Variants in CNTN2 observed in about 807,000 individuals in gnomAD.
CNTN2 encodes contactin 2.
Under a neutral mutation model 117.5 loss-of-function variants are expected in CNTN2, and 53 were observed. The ratio of observed to expected loss-of-function variants is 0.45; its 90% CI spans 0.36 to 0.57. The LOEUF (loss-of-function observed/expected upper bound fraction) is 0.57, where lower values mean the gene tolerates loss of function less well. Among genes scored for constraint, CNTN2 ranks in the 20% least tolerant of loss-of-function variants. The pLI is 0.00. For missense variants in CNTN2, 1,106 were observed against 1,404.3 expected, an observed-to-expected ratio of 0.79 and a Z score of 3.39; for synonymous variants, 530 against 561.7, an observed-to-expected ratio of 0.94 and a Z score of 0.80.
Position 205,059,691 on chromosome 1 carries a change from G to A in CNTN2, c.797+9G>A. ...TGCTTCGCCTTTGGGAAGTGAGTGT[G>A]AAGAGGGAGGGGAAGCAGAGCACGG... On this transcript the variant is annotated intron_variant, in intron 7 of 22. Transcript: ENST00000331830. The surrounding 1 kb of genome is among the most constrained non-coding windows in gnomAD (Gnocchi z 5.6). 2.5e-6 allele frequency: 4 copies of A among 1,607,800 alleles called. No homozygotes were observed. The highest frequency in any genetic ancestry group is 3.4e-6 in the Non-Finnish European group (4 of 1,177,276).
Position 205,061,920 on chromosome 1 carries a change from C to T in CNTN2, c.1029C>T (p.Asn343=). 6.2e-7 allele frequency: 1 copy of T among 1,600,328 alleles called. No homozygotes were observed. The highest frequency in any genetic ancestry group is 8.5e-7 in the Non-Finnish European group (1 of 1,172,466). Residue 343 remains asparagine (N), a synonymous_variant, in exon 9 of 23, where the codon AAC becomes AAT. Coordinates refer to ENST00000331830, the MANE Select transcript of CNTN2 (RefSeq NM_005076.5). This position sits in a 1 kb window ranked among gnomAD's most constrained non-coding sequence, Gnocchi z 4.8. Reference sequence around the variant, plus strand: ...ACACAGAGGCTGACATTGGCTCCAACCTGCGTTGGGGCTGTGCAGCCGCCG... The same window carrying T: ...ACACAGAGGCTGACATTGGCTCCAATCTGCGTTGGGGCTGTGCAGCCGCCG... The part of the protein sequence containing the change: ...ISDTEADIGS[N]LRWGCAAAGK...
Position 205,061,617 on chromosome 1 carries a change from T to G in CNTN2, c.973+197T>G. ...GTCACCTCAGAGCTTCAGTCAGGGG[T>G]GCAGAAAGCACACAGGAGGCTCCAG... On this transcript the variant is annotated intron_variant, in intron 8 of 22. Transcript: ENST00000331830. The surrounding 1 kb of genome is among the most constrained non-coding windows in gnomAD (Gnocchi z 4.8). The G allele has an allele frequency of 1.3e-6, 1 of 774,336 alleles. No homozygotes were observed. Among genetic ancestry groups the G allele is most frequent in the East Asian group, 2.9e-5 (1 of 35,054 alleles). 48.0% of individuals were successfully genotyped at this position (774,336 alleles called of 1,614,324 possible). A position where few individuals can be genotyped will look rare whatever the true frequency, so the allele number is the denominator to read the frequency against.
intron 15 of CNTN2, 150 bp from the exon 16 acceptor site, chr1:205,066,951 A>G (rs1654324322): frequency 2.0e-6 from 2 of 1,012,154 alleles, no homozygotes; most frequent in South Asian, 1.7e-5. Context: ...TAGTTTTTCA[A>G]TCATTTCTGA....
Position 205,065,345 on chromosome 1 carries a change from C to T in CNTN2, c.1695+83C>T, listed in dbSNP as rs879114294. 4.1e-6 allele frequency: 6 copies of T among 1,456,700 alleles called. No individual in the cohort carries two copies. Among genetic ancestry groups the T allele is most frequent in the Non-Finnish European group, 5.7e-6 (6 of 1,060,162 alleles). 90.2% of individuals were successfully genotyped at this position (1,456,700 alleles called of 1,614,324 possible). ...CCAAGATGTCCTTAGCCATCCTCACCTTTAAGAAACCCATAGCCTAAGCGC... is the reference window on the plus strand; with the variant it reads ...CCAAGATGTCCTTAGCCATCCTCACTTTTAAGAAACCCATAGCCTAAGCGC... On this transcript the variant is annotated intron_variant, in intron 13 of 22. Transcript: ENST00000331830. The surrounding 1 kb of genome is among the most constrained non-coding windows in gnomAD (Gnocchi z 4.1).
chr1:205,077,069 G>A lies in CNTN2; in HGVS notation c.*3304G>A, dbSNP rs1010588917. ...GCTGTTGACATGGGATTTGGGAAAGGTGAAGCTGTGACTGGAGGGGCAGGA... is the reference window on the plus strand; with the variant it reads ...GCTGTTGACATGGGATTTGGGAAAGATGAAGCTGTGACTGGAGGGGCAGGA... On this transcript the variant is annotated 3_prime_UTR_variant, in exon 23 of 23. Transcript: ENST00000331830. 7 of 152,244 alleles carry A rather than the reference G, an allele frequency of 4.6e-5. No homozygotes were observed. Among genetic ancestry groups the A allele is most frequent in the Admixed American group, 2.0e-4 (3 of 15,286 alleles). 9.4% of individuals were successfully genotyped at this position (152,244 alleles called of 1,614,324 possible). A position where few individuals can be genotyped will look rare whatever the true frequency, so the allele number is the denominator to read the frequency against.
Position 205,059,398 on chromosome 1 carries a change from C to CTGATT in CNTN2, c.697+106_697+110dup. 7.9e-7 allele frequency: 1 copy of CTGATT among 1,260,766 alleles called. No homozygotes were observed. Among genetic ancestry groups the CTGATT allele is most frequent in the South Asian group, 1.3e-5 (1 of 75,272 alleles). The allele number at this position is 1,260,766 out of a possible 1,614,324, so 78.1% of individuals were successfully genotyped here. On this transcript the variant is annotated intron_variant, in intron 6 of 22. Coordinates refer to ENST00000331830, the MANE Select transcript of CNTN2 (RefSeq NM_005076.5). This position sits in a 1 kb window ranked among gnomAD's most constrained non-coding sequence, Gnocchi z 5.6. The stretch of plus-strand genomic sequence containing the variant: ...GATTGGAAGATCAGCTTGCAGGGCA[C>CTGATT]TGATTCCAGGCCCTGGACCCCCAGA...
At position 205,065,368 on chromosome 1, in the gene CNTN2, C is replaced by T. The variant is rs902632291; in HGVS notation, c.1695+106C>T. ...ACCTTTAAGAAACCCATAGCCTAAG[C>T]GCCCCCATTCCCTCAGGCCCACACA... On this transcript the variant is annotated intron_variant, in intron 13 of 22. Coordinates refer to ENST00000331830, the MANE Select transcript of CNTN2 (RefSeq NM_005076.5). This position sits in a 1 kb window ranked among gnomAD's most constrained non-coding sequence, Gnocchi z 4.1. The T allele has an allele frequency of 1.3e-5, 16 of 1,198,678 alleles. No individual in the cohort carries two copies. The highest frequency in any genetic ancestry group is 6.1e-5 in the African/African-American group (4 of 65,634). The allele number at this position is 1,198,678 out of a possible 1,614,324, so 74.3% of individuals were successfully genotyped here.
intron 1 of CNTN2, among the ~76,000 whole-genome samples, chr1:205,044,478 G>T (rs1209526448): frequency 2.6e-5 from 4 of 151,816 alleles, no homozygotes; most frequent in Non-Finnish European, 5.9e-5. Context: ...GGTCCAGTGA[G>T]GCCAGGAGGG....
Position 205,059,897 on chromosome 1 carries a change from A to C in CNTN2, c.797+215A>C. On this transcript the variant is annotated intron_variant, in intron 7 of 22. Transcript: ENST00000331830. The surrounding 1 kb of genome is among the most constrained non-coding windows in gnomAD (Gnocchi z 5.6). ...CCAGGGGCCTTCCATGGCCAGGATC[A>C]CTTGGTCTTCCAGCAGTGCATGGCA... The C allele has an allele frequency of 1.8e-6, 1 of 568,256 alleles. No homozygotes were observed. Among genetic ancestry groups the C allele is most frequent in the South Asian group, 2.0e-5 (1 of 49,310 alleles). The allele number at this position is 568,256 out of a possible 1,614,324, so 35.2% of individuals were successfully genotyped here.
At chr1:205,055,075 G>A (rs970074235) in intron 2 of CNTN2, among the ~76,000 whole-genome samples, 9 of 152,086 alleles carry the variant, frequency 5.9e-5, no homozygotes, top group Non-Finnish European at 1.2e-4. Flanking sequence ...GTGCAGTGGT[G>A]TGATCTTGGC....
chr1:205,065,310 G>A lies in CNTN2; in HGVS notation c.1695+48G>A. 6.2e-7 allele frequency: 1 copy of A among 1,601,944 alleles called. No individual in the cohort carries two copies. Among genetic ancestry groups the A allele is most frequent in the East Asian group, 2.2e-5 (1 of 44,678 alleles). ...CATGGCTTCTCCCTCCTTCTAGAGA[G>A]ACAGGGGCCCCAAGATGTCCTTAGC... On this transcript the variant is annotated intron_variant, in intron 13 of 22. Transcript: ENST00000331830. This position sits in a 1 kb window ranked among gnomAD's most constrained non-coding sequence, Gnocchi z 4.1.
At chr1:205,051,184 C>T (rs555888627) in intron 1 of CNTN2, among the ~76,000 whole-genome samples, 1 of 152,356 alleles carries the variant, frequency 6.6e-6, no homozygotes, top group African/African-American at 2.4e-5. Flanking sequence ...AGGTACTTTG[C>T]TAGGCATAGG....
In CNTN2 at chr1:205,065,704, C is replaced by T; in HGVS notation, c.1696-85C>T. 1 of 1,603,442 alleles carries T rather than the reference C, an allele frequency of 6.2e-7. No homozygotes were observed. On this transcript the variant is annotated intron_variant, in intron 13 of 22. Coordinates refer to ENST00000331830, the MANE Select transcript of CNTN2 (RefSeq NM_005076.5). The surrounding 1 kb of genome is among the most constrained non-coding windows in gnomAD (Gnocchi z 4.1). ...TGGATGTCATGGAGTAGGGGACTCC[C>T]AAGCGCTGCCTCATGTCTCATGGCC... is the stretch of plus-strand genomic sequence containing the variant.
intron 17 of CNTN2, 79 bp from the exon 18 acceptor site, chr1:205,069,748 G>A: frequency 6.6e-7 from 1 of 1,523,048 alleles, no homozygotes; most frequent in Admixed American, 1.7e-5. Flanking sequence ...GCTACTCTTG[G>A]CAAAGGTTGG....
intron 18 of CNTN2, 115 bp downstream of exon 18, chr1:205,070,176 G>A: frequency 9.9e-7 from 1 of 1,013,794 alleles, no homozygotes. Context: ...GAGGTTGAGA[G>A]GACACCTGGG....
chr1:205,062,558 T>C lies in CNTN2; in HGVS notation c.1229T>C (p.Leu410Pro), dbSNP rs183284269. 6.2e-7 allele frequency: 1 copy of C among 1,613,248 alleles called. No homozygotes were observed. Among genetic ancestry groups the C allele is most frequent in the African/African-American group, 1.3e-5 (1 of 75,026 alleles). The stretch of plus-strand genomic sequence containing the variant: ...GGTACCATCTACGCCAGCGCCGAGC[T>C]AGCCGTGCAAGGTAAGGGGCCCAGG... ...KHGTIYASAE[L>P]AVQALAPDFR... is the part of the protein sequence containing the mutation. Residue 410 changes from leucine to proline, a missense_variant, in exon 10 of 23, where the codon CTA becomes CCA. Transcript: ENST00000331830.
intron 19 of CNTN2, 32 bp downstream of exon 19, chr1:205,070,570 G>A: frequency 2.7e-6 from 4 of 1,508,784 alleles, no homozygotes; most frequent in Non-Finnish European, 2.8e-6. Context: ...GGGAGAGGAA[G>A]GGGTGCTGGG....
Position 205,065,639 on chromosome 1 carries a change from C to T in CNTN2, c.1696-150C>T, listed in dbSNP as rs1654241485. On this transcript the variant is annotated intron_variant, in intron 13 of 22. Coordinates refer to ENST00000331830, the MANE Select transcript of CNTN2 (RefSeq NM_005076.5). The surrounding 1 kb of genome is among the most constrained non-coding windows in gnomAD (Gnocchi z 4.1). Reference sequence around the variant, plus strand: ...TCTAAGTGATGAGTCGTGATTCCTCCCATTGAGCAGACAGGAAAACTGAGA... The same window carrying T: ...TCTAAGTGATGAGTCGTGATTCCTCTCATTGAGCAGACAGGAAAACTGAGA... 3 of 947,060 alleles carry T rather than the reference C, an allele frequency of 3.2e-6. No homozygotes were observed. In the South Asian group the frequency reaches 4.8e-5, roughly 15 times the overall value. 58.7% of individuals were successfully genotyped at this position (947,060 alleles called of 1,614,324 possible). A position where few individuals can be genotyped will look rare whatever the true frequency, so the allele number is the denominator to read the frequency against.
intron 15 of CNTN2, among the ~76,000 whole-genome samples, chr1:205,066,845 G>T (rs1465562008): frequency 6.6e-6 from 1 of 152,160 alleles, no homozygotes; most frequent in Non-Finnish European, 1.5e-5. Context: ...TGAAGAATTG[G>T]TAGGATTGTT....
Sources: allele counts gnomAD v4.1 joint callset (sites outside exome capture counted in the v4.1 genomes callset), GRCh38; gene constraint gnomAD v4.1.1; non-coding constraint Gnocchi (gnomAD v3.1); transcripts MANE v1.5; gene names NCBI Gene and HGNC (gene_info 2026-07-23, HGNC 2026-07-21).